Variants in ELL observed in about 807,000 individuals in gnomAD.
The protein encoded by ELL is RNA polymerase II elongation factor ELL.
A neutral mutation model predicts 64.0 loss-of-function variants in ELL; 18 were observed. That is an observed-to-expected ratio of 0.28 (90% CI 0.19 to 0.42). The LOEUF is 0.42. ELL is among the 10% of genes least tolerant of loss of function. The pLI, the probability that ELL is intolerant of heterozygous loss-of-function variation, is 1.00. For synonymous variants in ELL, 399 were observed against 376.2 expected (o/e 1.06, Z -0.70); for missense variants, 797 against 870.4 (o/e 0.92, Z 1.06).
intron 6 of ELL, among the ~76,000 whole-genome samples, chr19:18,457,590 G>A (rs911976365): frequency 1.9e-4 from 29 of 152,138 alleles, no homozygotes; most frequent in East Asian, 1.5e-3. Context: ...AATCACTTAC[G>A]GACTAATTAG....
At chr19:18,448,788 C>T (rs1038532218) in intron 8 of ELL, 14 of 152,218 alleles carry the variant, frequency 9.2e-5, no homozygotes, top group African/African-American at 3.4e-4. Context: ...CCTCAGCGGC[C>T]CCCGACTCCT....
At chr19:18,457,568 G>A (rs555745245) in intron 6 of ELL, among the ~76,000 whole-genome samples, 3 of 152,270 alleles carry the variant, frequency 2.0e-5, no homozygotes, top group East Asian at 1.9e-4. Context: ...AAATACCTCC[G>A]AGTCCCTGAG....
chr19:18,465,654 C>T (rs1974917883), intron 3 of ELL, 79 bp from the exon 4 acceptor site: 4 of 1,482,258 alleles, frequency 2.7e-6, no homozygotes, highest in Non-Finnish European at 2.7e-6. Context: ...AGCCCCCAGC[C>T]CACCACCTGG....
intron 6 of ELL, among the ~76,000 whole-genome samples, chr19:18,456,097 CAA>C (rs111754388): frequency 3.3e-4 from 33 of 98,764 alleles, no homozygotes; most frequent in Non-Finnish European, 4.4e-4. Flanking sequence ...AACTCCATCA[CAA>C]AAAAAAAAAA....
chr19:18,500,418 TCTC>T (rs1459220248), intron 1 of ELL, among the ~76,000 whole-genome samples: 3 of 152,232 alleles, frequency 2.0e-5, no homozygotes, highest in East Asian at 1.9e-4. Flanking sequence ...GAGGTCCACT[TCTC>T]CTACCACCTT....
chr19:18,456,972 A>C (rs1248664858), intron 6 of ELL, among the ~76,000 whole-genome samples: 3 of 152,006 alleles, frequency 2.0e-5, no homozygotes, highest in East Asian at 1.9e-4. Context: ...AAAAAAAAAA[A>C]AAAACAGCTA....
chr19:18,484,261 C>T (rs565975742), intron 1 of ELL, among the ~76,000 whole-genome samples: 2 of 152,228 alleles, frequency 1.3e-5, no homozygotes, highest in East Asian at 1.9e-4. Flanking sequence ...GTCAAGAGTT[C>T]GAGACCAGCC....
At chr19:18,482,607 G>C (rs560651315) in intron 1 of ELL, among the ~76,000 whole-genome samples, 1 of 152,030 alleles carries the variant, frequency 6.6e-6, no homozygotes. Flanking sequence ...TGGGATTACA[G>C]GCGTGAGCCA....
intron 1 of ELL, among the ~76,000 whole-genome samples, chr19:18,473,717 T>TG (rs1975113532): frequency 6.6e-6 from 1 of 152,182 alleles, no homozygotes; most frequent in African/African-American, 2.4e-5. Context: ...CTTCCCAACC[T>TG]GGGGCCCTAA....
rs1184595872 is a variant in ELL at position 18,458,311 on chromosome 19, T to C, written c.763A>G (p.Lys255Glu). 1 of 1,611,948 alleles carries C rather than the reference T, an allele frequency of 6.2e-7. No homozygotes were observed. Among genetic ancestry groups the C allele is most frequent in the East Asian group, 2.2e-5 (1 of 44,756 alleles). Residue 255 changes from lysine to glutamate, a missense_variant, in exon 6 of 12, where the codon AAG becomes GAG. Transcript: ENST00000262809. ...LLQQVANMSA[K>E]DGTCTLQDCM... ...TCCTGCAGTGTACACGTGCCGTCCT[T>C]AGCACTCATGTTGGCCACCTGCAAG...
chr19:18,509,114 C>T (rs998091215), intron 1 of ELL, among the ~76,000 whole-genome samples: 1 of 152,016 alleles, frequency 6.6e-6, no homozygotes, highest in Non-Finnish European at 1.5e-5. Context: ...CTCAAGATCT[C>T]GGGAATAATA....
intron 1 of ELL, among the ~76,000 whole-genome samples, chr19:18,495,550 C>T (rs1433520425): frequency 1.3e-5 from 2 of 152,300 alleles, no homozygotes; most frequent in East Asian, 3.9e-4. Flanking sequence ...AGCAGCGCCC[C>T]GCATGAGGGT....
intron 6 of ELL, among the ~76,000 whole-genome samples, chr19:18,453,408 T>C (rs1974583199): frequency 6.6e-6 from 1 of 152,228 alleles, no homozygotes; most frequent in Non-Finnish European, 1.5e-5. Context: ...ATGCCATGTG[T>C]CATCAGGGAA....
In ELL at chr19:18,470,207, G is replaced by A. The variant is rs112132822; in HGVS notation, c.183+2628C>T. 8.8e-3 allele frequency among the ~76,000 whole-genome samples: 1,346 copies of A among 152,352 alleles called. 11 individuals carry two copies. The highest frequency in any genetic ancestry group is 0.011 in the Non-Finnish European group (742 of 68,034). ...GTCTCTCTCAGTGACTTGGGCCCCT[G>A]CTACACATGTTATTAGGCTCCAGGT... On this transcript the variant is annotated intron_variant, in intron 2 of 11. Transcript: ENST00000262809.
At chr19:18,502,386 T>C (rs1441497359) in intron 1 of ELL, among the ~76,000 whole-genome samples, 1 of 151,902 alleles carries the variant, frequency 6.6e-6, no homozygotes, top group Admixed American at 6.6e-5. Context: ...GAGGGAGGTG[T>C]CCCAGGTGAG....
intron 2 of ELL, chr19:18,470,997 T>C (rs899178184): frequency 7.2e-5 from 33 of 456,514 alleles, no homozygotes; most frequent in Non-Finnish European, 1.1e-4. Flanking sequence ...TGGATCATCA[T>C]GTCCATATCC....
intron 1 of ELL, among the ~76,000 whole-genome samples, chr19:18,520,481 C>CA (rs1212774032): frequency 7.3e-5 from 11 of 149,742 alleles, no homozygotes; most frequent in Non-Finnish European, 7.4e-5. Flanking sequence ...CTTGCTCTTT[C>CA]AAAAAAAAAT....
chr19:18,514,048 A>G (rs1245183673), intron 1 of ELL, among the ~76,000 whole-genome samples: 1 of 152,132 alleles, frequency 6.6e-6, no homozygotes, highest in Non-Finnish European at 1.5e-5. Flanking sequence ...CTCAGTCAGG[A>G]GCCGTGTCTC....
intron 1 of ELL, among the ~76,000 whole-genome samples, chr19:18,493,429 G>T (rs1975575264): frequency 6.6e-6 from 1 of 152,250 alleles, no homozygotes. Flanking sequence ...CTGCTGGCCA[G>T]GGCAGGGAGG....
Sources: gnomAD v4.1 joint callset for allele counts (sites outside exome capture counted in the v4.1 genomes callset) on GRCh38, gnomAD v4.1.1 for gene constraint, MANE v1.5 for transcripts, NCBI Gene and HGNC (gene_info 2026-07-23, HGNC 2026-07-21) for gene names.